AK8: variants seen among roughly 807,000 people sequenced by gnomAD.
AK8 encodes adenylate kinase 8.
A neutral mutation model predicts 54.6 loss-of-function variants in AK8; 44 were observed. The ratio of observed to expected loss-of-function variants is 0.81; its 90% CI spans 0.63 to 1.04. The LOEUF (loss-of-function observed/expected upper bound fraction) is 1.04. Among genes scored for constraint, AK8 ranks in the 50% least tolerant of loss-of-function variants. The probability of loss-of-function intolerance (pLI) is 0.00; values close to 1 mark genes in which losing one functional copy is unlikely to be tolerated. For missense variants in AK8, 555 were observed against 613.6 expected (o/e 0.90, Z 1.01); for synonymous variants, 239 against 245.6 (o/e 0.97, Z 0.25).
chr9:132,836,673 G>A (rs1311127387), intron 5 of AK8, among the ~76,000 whole-genome samples: 2 of 152,196 alleles, frequency 1.3e-5, no homozygotes, highest in South Asian at 2.1e-4. Flanking sequence ...GCACCACCAC[G>A]CCCAGCTGGG....
At chr9:132,810,326 T>G (rs190936574) in intron 10 of AK8, among the ~76,000 whole-genome samples, 1 of 152,042 alleles carries the variant, frequency 6.6e-6, no homozygotes, top group Non-Finnish European at 1.5e-5. Flanking sequence ...GCTAACTTTA[T>G]AGAAAATTGG....
intron 5 of AK8, among the ~76,000 whole-genome samples, chr9:132,833,931 C>T (rs1317201109): frequency 6.6e-6 from 1 of 152,222 alleles, no homozygotes; most frequent in Non-Finnish European, 1.5e-5. Flanking sequence ...TGCCTTTCCG[C>T]TCCTCCCCTC....
chr9:132,857,792 C>T (rs961385385), intron 4 of AK8, among the ~76,000 whole-genome samples: 2 of 152,222 alleles, frequency 1.3e-5, no homozygotes, highest in East Asian at 3.9e-4. Flanking sequence ...GCAGCCTGCA[C>T]AGCAGGGGAC....
chr9:132,796,831 G>A (rs1319055722), intron 10 of AK8, among the ~76,000 whole-genome samples: 1 of 151,068 alleles, frequency 6.6e-6, no homozygotes, highest in African/African-American at 2.4e-5. Flanking sequence ...GGAGGGGGAA[G>A]GGTGGCCGCC....
At chr9:132,757,716 C>T (rs1290163539) in intron 11 of AK8, among the ~76,000 whole-genome samples, 2 of 152,110 alleles carry the variant, frequency 1.3e-5, no homozygotes, top group Admixed American at 1.3e-4. Flanking sequence ...TGTGGCCAGC[C>T]CCCCGAAACA....
At chr9:132,800,894 C>T (rs1840417352) in intron 10 of AK8, among the ~76,000 whole-genome samples, 1 of 151,758 alleles carries the variant, frequency 6.6e-6, no homozygotes. Flanking sequence ...GCAGAGATGC[C>T]CAACAGTGAA....
intron 3 of AK8, 71 bp from the exon 4 acceptor site, chr9:132,863,849 C>A: frequency 8.6e-7 from 1 of 1,159,638 alleles, no homozygotes; most frequent in South Asian, 1.4e-5. Context: ...TATTAAAATG[C>A]CCTGGTCCTT....
chr9:132,740,929 T>C (rs1307810804), intron 11 of AK8, among the ~76,000 whole-genome samples: 1 of 152,140 alleles, frequency 6.6e-6, no homozygotes, highest in Non-Finnish European at 1.5e-5. Flanking sequence ...TGGCATCTGG[T>C]GTGTTTGTCC....
intron 11 of AK8, chr9:132,769,508 G>A (rs189236415): frequency 1.3e-5 from 2 of 152,258 alleles, no homozygotes; most frequent in African/African-American, 4.8e-5. Flanking sequence ...CACTATGGGT[G>A]GGGTGAGTGC....
intron 10 of AK8, among the ~76,000 whole-genome samples, chr9:132,808,221 G>A (rs897512805): frequency 1.3e-5 from 2 of 152,160 alleles, no homozygotes; most frequent in Non-Finnish European, 2.9e-5. Flanking sequence ...CGTATGCAGA[G>A]CAAACTCCTG....
In AK8 at chr9:132,749,925, T is replaced by G. The variant is rs36098997; in HGVS notation, c.1122-22391A>C. ...GGCGTGCACTTGCCATCCTTTTATT[T>G]CTTCCCCAACCTCCTTCCTCTGTCT... On this transcript the variant is annotated intron_variant, in intron 11 of 12. Coordinates refer to ENST00000298545, the MANE Select transcript of AK8 (RefSeq NM_152572.3). Among the ~76,000 whole-genome samples, 631 of 149,808 alleles carry G rather than the reference T, an allele frequency of 4.2e-3. 15 individuals carry two copies. Among genetic ancestry groups the G allele is most frequent in the Non-Finnish European group, 7.0e-3 (475 of 67,652 alleles).
chr9:132,861,344 G>A (rs1449626336), intron 4 of AK8: 1 of 152,182 alleles, frequency 6.6e-6, no homozygotes, highest in African/African-American at 2.4e-5. Context: ...GGACTTAGTA[G>A]GTGCTCAGGA....
chr9:132,799,912 G>C lies in AK8; in HGVS notation c.980-7137C>G, dbSNP rs1374759878. Among the ~76,000 whole-genome samples the C allele has an allele frequency of 6.6e-6, 1 of 152,124 alleles. No individual in the cohort carries two copies. Among genetic ancestry groups the C allele is most frequent in the African/African-American group, 2.4e-5 (1 of 41,424 alleles). On this transcript the variant is annotated intron_variant, in intron 10 of 12. Coordinates refer to ENST00000298545, the MANE Select transcript of AK8 (RefSeq NM_152572.3). This position sits in a 1 kb window ranked among gnomAD's most constrained non-coding sequence, Gnocchi z 5.0. ...TTTCTCCTGTGGTCCCTGGGTCCCT[G>C]GGTCCCGCCCCTCCTGAAGGATCCC...
chr9:132,813,750 C>T (rs1024894536), intron 10 of AK8, among the ~76,000 whole-genome samples: 4 of 152,118 alleles, frequency 2.6e-5, no homozygotes, highest in African/African-American at 9.7e-5. Flanking sequence ...TAGAATGCTC[C>T]CAAAGGTGCC....
Position 132,803,524 on chromosome 9 carries a change from T to C in AK8, c.980-10749A>G, listed in dbSNP as rs541346704. ...AATCAGTGATTACAACCAGTGACCA[T>C]AGTAAGTAATTAGTGAATTACAGAC... On this transcript the variant is annotated intron_variant, in intron 10 of 12. Coordinates refer to ENST00000298545, the MANE Select transcript of AK8 (RefSeq NM_152572.3). This position sits in a 1 kb window ranked among gnomAD's most constrained non-coding sequence, Gnocchi z 4.4. 5.6e-4 allele frequency among the ~76,000 whole-genome samples: 86 copies of C among 152,256 alleles called. No homozygotes were observed. Among genetic ancestry groups the C allele is most frequent in the Admixed American group, 2.1e-3 (32 of 15,294 alleles).
At chr9:132,759,636 C>T (rs1430025606) in intron 11 of AK8, among the ~76,000 whole-genome samples, 3 of 152,216 alleles carry the variant, frequency 2.0e-5, no homozygotes, top group Non-Finnish European at 2.9e-5. Context: ...AAGTAGCTGT[C>T]GAAGGTAATT....
intron 3 of AK8, among the ~76,000 whole-genome samples, chr9:132,865,747 A>AG (rs1475299815): frequency 6.6e-6 from 1 of 151,854 alleles, no homozygotes; most frequent in African/African-American, 2.4e-5. Context: ...CAGGAGGCGG[A>AG]GGTCGCAGTG....
chr9:132,870,803 G>C (rs1255296681), intron 2 of AK8, among the ~76,000 whole-genome samples: 1 of 152,220 alleles, frequency 6.6e-6, no homozygotes, highest in East Asian at 1.9e-4. Flanking sequence ...CCGCTGCATG[G>C]CTGGAAGGGG....
At chr9:132,832,444 GT>G (rs1842149231) in intron 5 of AK8, among the ~76,000 whole-genome samples, 1 of 152,156 alleles carries the variant, frequency 6.6e-6, no homozygotes, top group Non-Finnish European at 1.5e-5. Context: ...CTCCCTCACA[GT>G]TCTGGAAGCC....
Sources: allele counts gnomAD v4.1 joint callset (sites outside exome capture counted in the v4.1 genomes callset), GRCh38; gene constraint gnomAD v4.1.1; non-coding constraint Gnocchi (gnomAD v3.1); transcripts MANE v1.5; gene names NCBI Gene and HGNC (gene_info 2026-07-23, HGNC 2026-07-21).